KIF1A: variants seen among roughly 807,000 people sequenced by gnomAD.
KIF1A encodes the protein kinesin family member 1A.
A neutral mutation model predicts 227.3 loss-of-function variants in KIF1A; 46 were observed. That is an observed-to-expected ratio of 0.20 (90% CI 0.16 to 0.26). The LOEUF (loss-of-function observed/expected upper bound fraction) is 0.26, where lower values mean the gene tolerates loss of function less well. KIF1A is among the 10% of genes least tolerant of loss of function. The probability of loss-of-function intolerance (pLI) is 1.00; values close to 1 mark genes in which losing one functional copy is unlikely to be tolerated. For synonymous variants in KIF1A, 1,022 were observed against 1,012.8 expected, an observed-to-expected ratio of 1.01 and a Z score of -0.17; for missense variants, 1,683 against 2,485.9, an observed-to-expected ratio of 0.68 and a Z score of 6.87.
intron 33 of KIF1A, among the ~76,000 whole-genome samples, chr2:240,743,552 G>A (rs1453886507): frequency 2.6e-5 from 4 of 152,154 alleles, no homozygotes; most frequent in South Asian, 2.1e-4. Context: ...AGGCTGCGTG[G>A]ACTGAGGGAG....
At position 240,757,617 on chromosome 2, in the gene KIF1A, G is replaced by A; in HGVS notation, c.2583-23C>T. The A allele has an allele frequency of 6.5e-7, 1 of 1,541,898 alleles. No homozygotes were observed. Among genetic ancestry groups the A allele is most frequent in the Non-Finnish European group, 8.7e-7 (1 of 1,142,872 alleles). On this transcript the variant is annotated intron_variant, in intron 26 of 48. Transcript: ENST00000498729. The surrounding 1 kb of genome is among the most constrained non-coding windows in gnomAD (Gnocchi z 6.2). ...GAACTGAGGTTAGTGCGACAAGACAGAGAGAAGTTAACACCAGCGACTCGC... is the reference window on the plus strand; with the variant it reads ...GAACTGAGGTTAGTGCGACAAGACAAAGAGAAGTTAACACCAGCGACTCGC...
intron 10 of KIF1A, among the ~76,000 whole-genome samples, chr2:240,781,410 T>C (rs1480479173): frequency 4.3e-3 from 24 of 5,592 alleles, no homozygotes; most frequent in Admixed American, 5.4e-3. Flanking sequence ...CACACACAGC[T>C]CCACACACAC....
intron 10 of KIF1A, among the ~76,000 whole-genome samples, chr2:240,780,783 CACACACACACAG>C (rs2053583483): frequency 7.4e-6 from 1 of 134,576 alleles, no homozygotes; most frequent in African/African-American, 3.1e-5. Context: ...CACACACACA[CACACACACACAG>C]CTCCACACAC....
intron 24 of KIF1A, among the ~76,000 whole-genome samples, 168 bp downstream of exon 24, chr2:240,761,061 G>A (rs1474400075): frequency 6.6e-6 from 1 of 152,152 alleles, no homozygotes; most frequent in Non-Finnish European, 1.5e-5. Context: ...GGCCAGGTCT[G>A]GGCTCCCTCA....
chr2:240,732,007 C>A (rs1263583894), intron 38 of KIF1A, among the ~76,000 whole-genome samples: 3 of 48,358 alleles, frequency 6.2e-5, no homozygotes, highest in African/African-American at 1.6e-4. Context: ...GAGGGGATGA[C>A]GGGAGGAGGG....
chr2:240,817,180 G>A (rs2058389935), intron 1 of KIF1A, among the ~76,000 whole-genome samples: 1 of 152,230 alleles, frequency 6.6e-6, no homozygotes, highest in Admixed American at 6.5e-5. Context: ...GCAGAAGCCG[G>A]CAAGGACGCA....
chr2:240,812,217 G>A lies in KIF1A; in HGVS notation c.-61+7905C>T, dbSNP rs2057919017. ...TTTCAGGTTCCTGCCTCACCCTGGG[G>A]TGGGGGCATCAGCAGAAAAAGCCAA... is the stretch of plus-strand genomic sequence containing the variant. On this transcript the variant is annotated intron_variant, in intron 1 of 48. Transcript: ENST00000498729. Among the ~76,000 whole-genome samples, 2 of 152,356 alleles carry A rather than the reference G, an allele frequency of 1.3e-5. 1 individual carries two copies. The highest frequency in any genetic ancestry group is 2.9e-5 in the Non-Finnish European group (2 of 68,018).
At chr2:240,814,721 A>G (rs562685207) in intron 1 of KIF1A, among the ~76,000 whole-genome samples, 1 of 152,284 alleles carries the variant, frequency 6.6e-6, no homozygotes, top group African/African-American at 2.4e-5. Context: ...AAGCCCAGGA[A>G]TTCAAGACTT....
chr2:240,783,186 G>C, intron 8 of KIF1A, 77 bp from the exon 9 acceptor site: 1 of 1,152,088 alleles, frequency 8.7e-7, no homozygotes, highest in Non-Finnish European at 1.3e-6. Flanking sequence ...TGCCCTGGGT[G>C]GACCTGTGCA....
At chr2:240,798,485 C>T (rs190650135) in intron 1 of KIF1A, among the ~76,000 whole-genome samples, 14 of 152,346 alleles carry the variant, frequency 9.2e-5, no homozygotes, top group South Asian at 2.1e-4. Context: ...ATGGGGAATT[C>T]GGTACAAGCC....
chr2:240,724,781 C>T (rs1442490144), intron 40 of KIF1A: 2 of 165,480 alleles, frequency 1.2e-5, no homozygotes, highest in African/African-American at 4.8e-5. Flanking sequence ...TGACAGCCTC[C>T]AAGAAGAGCC....
rs770543592 is a variant in KIF1A, at chr2:240,765,791, C to T, written c.1687G>A (p.Val563Met). 2 of 1,612,964 alleles carry T rather than the reference C, an allele frequency of 1.2e-6. No homozygotes were observed. Among genetic ancestry groups the T allele is most frequent in the South Asian group, 1.1e-5 (1 of 91,062 alleles). The change falls in exon 20 of 49, where the codon GTG (valine) becomes ATG (methionine). Residue 563 changes from valine (V) to methionine (M), a missense_variant and splice_region_variant. Val to Met is a conservative substitution (Grantham distance 21). This residue lies in a region of KIF1A where 217 missense variants were observed against 427.0 expected (regional missense o/e 0.51). Coordinates refer to ENST00000498729, the MANE Select transcript of KIF1A (RefSeq NM_001244008.2). ...RSDSRGGSEA[V>M]VTLEPCEGAD... ...CCCTCACAGGGCTCCAAGGTCACCA[C>T]AGCTACAGGAAAGGTGGGAGGGGCA...
At position 240,765,513 on chromosome 2, in the gene KIF1A, C is replaced by T. The variant is rs532331006; in HGVS notation, c.1768+197G>A. Among the ~76,000 whole-genome samples, 11 of 152,364 alleles carry T rather than the reference C, an allele frequency of 7.2e-5. No individual in the cohort carries two copies. The South Asian group carries it at 8.3e-4, about 11-fold the overall frequency. ...TGTTGTGTGAATGGGGCCTGTAGTG[C>T]TGTGTTCCTGGAGTTGGGGGACTGG... On this transcript the variant is annotated intron_variant, in intron 20 of 48. Coordinates refer to ENST00000498729, the MANE Select transcript of KIF1A (RefSeq NM_001244008.2).
rs568461064 is a variant in KIF1A, at chr2:240,793,445, C to T, written c.107-4133G>A. The stretch of plus-strand genomic sequence containing the variant: ...CACTCCAGGAACTCACTTCAGGGGC[C>T]GCACATGGCTGAGGGTCCGCGTCCC... On this transcript the variant is annotated intron_variant, in intron 2 of 48. Transcript: ENST00000498729. This position sits in a 1 kb window ranked among gnomAD's most constrained non-coding sequence, Gnocchi z 4.8. Among the ~76,000 whole-genome samples, 15 of 152,312 alleles carry T rather than the reference C, an allele frequency of 9.8e-5. No individual in the cohort carries two copies. The highest frequency in any genetic ancestry group is 3.1e-4 in the African/African-American group (13 of 41,570).
rs1269833960 is a variant in KIF1A at position 240,739,717 on chromosome 2, G to A, written c.3901+341C>T. 1.3e-5 allele frequency among the ~76,000 whole-genome samples: 2 copies of A among 152,160 alleles called. No individual in the cohort carries two copies. Among genetic ancestry groups the A allele is most frequent in the East Asian group, 3.9e-4 (2 of 5,190 alleles). On this transcript the variant is annotated intron_variant, in intron 37 of 48. Transcript: ENST00000498729. The surrounding 1 kb of genome is among the most constrained non-coding windows in gnomAD (Gnocchi z 5.6). ...TTCCCCAACAGGTTTCAGAGAGAGAGAGCGCGCCTCTTGCCGGCACCTTGA... is the reference window on the plus strand; with the variant it reads ...TTCCCCAACAGGTTTCAGAGAGAGAAAGCGCGCCTCTTGCCGGCACCTTGA...
chr2:240,737,190 A>G, intron 37 of KIF1A, 22 bp from the exon 38 acceptor site: 1 of 1,603,526 alleles, frequency 6.2e-7, no homozygotes, highest in South Asian at 1.1e-5. Context: ...GCAACGGGCC[A>G]CAGGTCACTT....
rs760838535 is a variant in KIF1A at position 240,742,963 on chromosome 2, G to A, written c.3606C>T (p.Arg1202=). The A allele has an allele frequency of 3.7e-6, 6 of 1,611,466 alleles. No homozygotes were observed. The South Asian group carries it at 6.6e-5, about 18-fold the overall frequency. ...ACAGTGGCATGACCCGAGGGAAGTG[G>A]CGGCGCGAGGGCCTCAGGGGGCTGT... is the stretch of plus-strand genomic sequence containing the variant. The part of the protein sequence containing the change: ...DVLSPLRPSR[R]HFPRVMPLSK... The change falls in exon 34 of 49, where the codon CGC becomes CGT. Residue 1202 remains arginine, a synonymous_variant. Transcript: ENST00000498729.
chr2:240,766,739 T>TCACACACACACA lies in KIF1A; in HGVS notation c.1684+175_1684+176insTGTGTGTGTGTG, dbSNP rs1194679801. Among the ~76,000 whole-genome samples the TCACACACACACA allele has an allele frequency of 3.6e-5, 4 of 111,248 alleles. No individual in the cohort carries two copies. The highest frequency in any genetic ancestry group is 5.5e-5 in the Non-Finnish European group (3 of 54,080). 73.0% of individuals were successfully genotyped at this position (111,248 alleles called of 152,430 possible). A position where few individuals can be genotyped will look rare whatever the true frequency, so the allele number is the denominator to read the frequency against. ...CTCTCCAAATCTCTCTCTCTCTCTC[T>TCACACACACACA]CTCTCTCTCTCACACACACACACAC... On this transcript the variant is annotated intron_variant, in intron 19 of 48. Transcript: ENST00000498729. The surrounding 1 kb of genome is among the most constrained non-coding windows in gnomAD (Gnocchi z 5.0).
chr2:240,819,869 G>T (rs956484109), intron 1 of KIF1A, among the ~76,000 whole-genome samples: 28 of 152,344 alleles, frequency 1.8e-4, no homozygotes, highest in Admixed American at 1.8e-3. Flanking sequence ...TCGCGGCAAA[G>T]GGACCTTTTC....
Sources: gnomAD v4.1 joint callset for allele counts (sites outside exome capture counted in the v4.1 genomes callset) on GRCh38, gnomAD v4.1.1 for gene constraint, gnomAD v4.1.1 regional missense constraint, Gnocchi (gnomAD v3.1) non-coding constraint, MANE v1.5 for transcripts, NCBI Gene and HGNC (gene_info 2026-07-23, HGNC 2026-07-21) for gene names.